Variants in IL17RD observed in about 807,000 individuals in gnomAD.
IL17RD encodes the protein interleukin-17 receptor D.
Under a neutral mutation model 80.5 loss-of-function variants are expected in IL17RD, and 52 were observed. The observed-to-expected ratio is 0.65, with a 90% CI of 0.52 to 0.81. The LOEUF is 0.81. IL17RD is among the 40% of genes least tolerant of loss of function. The pLI is 0.00. For synonymous variants in IL17RD, 416 were observed against 391.8 expected, an observed-to-expected ratio of 1.06 and a Z score of -0.73; for missense variants, 1,024 against 955.1, an observed-to-expected ratio of 1.07 and a Z score of -0.95.
chr3:57,130,334 C>T (rs6775080), intron 1 of IL17RD, among the ~76,000 whole-genome samples: 23,143 of 152,138 alleles, frequency 0.15, 2,271 homozygotes, highest in East Asian at 0.38. Context: ...TTTGCCAGTT[C>T]CCTGGGATGC....
chr3:57,135,410 T>C (rs1707705182), intron 1 of IL17RD, among the ~76,000 whole-genome samples: 1 of 152,096 alleles, frequency 6.6e-6, no homozygotes, highest in South Asian at 2.1e-4. Context: ...TCCCTAAGAG[T>C]GGGTTTTCAA....
At chr3:57,127,410 A>ATTTT (rs1383285776) in intron 1 of IL17RD, among the ~76,000 whole-genome samples, 1 of 86,030 alleles carries the variant, frequency 1.2e-5, no homozygotes, top group African/African-American at 4.9e-5. Context: ...ATATATATAT[A>ATTTT]TATTTTTTTT....
At chr3:57,145,597 T>C (rs1473369404) in intron 1 of IL17RD, among the ~76,000 whole-genome samples, 1 of 152,052 alleles carries the variant, frequency 6.6e-6, no homozygotes, top group Non-Finnish European at 1.5e-5. Flanking sequence ...CCAAGTGAGA[T>C]GAAAAACAGA....
chr3:57,159,835 A>G (rs1385897126), intron 1 of IL17RD, among the ~76,000 whole-genome samples: 1 of 152,180 alleles, frequency 6.6e-6, no homozygotes, highest in Non-Finnish European at 1.5e-5. Flanking sequence ...TGGAGGCTCA[A>G]GTTCTAGAAG....
In IL17RD at chr3:57,123,344, C is replaced by G. The variant is rs148356217; in HGVS notation, c.127-3031G>C. 2.6e-3 allele frequency among the ~76,000 whole-genome samples: 402 copies of G among 152,352 alleles called. 2 individuals carry two copies. The highest frequency in any genetic ancestry group is 8.3e-3 in the African/African-American group (345 of 41,590). ...TCACTGGCTCCCTGTCCCTCCAGAT[C>G]ATTCCTGATGTGACACCTGCCTACC... On this transcript the variant is annotated intron_variant, in intron 1 of 12. Coordinates refer to ENST00000296318, the MANE Select transcript of IL17RD (RefSeq NM_017563.5).
At chr3:57,139,420 T>G (rs1486552672) in intron 1 of IL17RD, among the ~76,000 whole-genome samples, 3 of 152,210 alleles carry the variant, frequency 2.0e-5, no homozygotes, top group Non-Finnish European at 4.4e-5. Context: ...ATTTTGAATT[T>G]TTGTGTAATT....
intron 1 of IL17RD, among the ~76,000 whole-genome samples, chr3:57,127,395 A>T (rs56264943): frequency 0.041 from 3,572 of 86,572 alleles, 481 homozygotes; most frequent in African/African-American, 0.13. Context: ...TAAATAAATA[A>T]ATATATATAT....
chr3:57,167,197 A>T (rs1251987443), upstream of IL17RD, among the ~76,000 whole-genome samples: 1 of 151,888 alleles, frequency 6.6e-6, no homozygotes, highest in Non-Finnish European at 1.5e-5. Flanking sequence ...TGCTGGGCAG[A>T]ATTTTTTTTT....
intron 1 of IL17RD, among the ~76,000 whole-genome samples, chr3:57,153,431 G>A (rs2060243263): frequency 6.6e-6 from 1 of 152,162 alleles, no homozygotes; most frequent in Non-Finnish European, 1.5e-5. Context: ...TACACAAGTG[G>A]CCTTGACTCT....
intron 1 of IL17RD, among the ~76,000 whole-genome samples, chr3:57,149,832 C>T (rs1273182401): frequency 6.6e-6 from 1 of 152,204 alleles, no homozygotes; most frequent in African/African-American, 2.4e-5. Flanking sequence ...CCAGCTGTCA[C>T]CAGGCACCAC....
intron 1 of IL17RD, among the ~76,000 whole-genome samples, chr3:57,142,775 C>A (rs1050618631): frequency 6.6e-6 from 1 of 152,034 alleles, no homozygotes; most frequent in Non-Finnish European, 1.5e-5. Flanking sequence ...AAACCACCAC[C>A]CTGGGGATAA....
intron 1 of IL17RD, among the ~76,000 whole-genome samples, chr3:57,156,929 C>T (rs1211377895): frequency 6.6e-6 from 1 of 152,282 alleles, no homozygotes. Context: ...TCCCACGAAC[C>T]ATTGAAATTC....
intron 1 of IL17RD, among the ~76,000 whole-genome samples, chr3:57,153,938 T>C (rs547325457): frequency 6.6e-6 from 1 of 152,120 alleles, no homozygotes; most frequent in South Asian, 2.1e-4. Context: ...CATCTTCCTG[T>C]ATCGTTTCAG....
intron 1 of IL17RD, among the ~76,000 whole-genome samples, chr3:57,135,888 C>CAT (rs1559480359): frequency 7.4e-4 from 100 of 134,266 alleles, no homozygotes; most frequent in African/African-American, 3.1e-3. Context: ...CAAGAGGACA[C>CAT]GGTGACAAGG....
chr3:57,106,341 TA>T (rs1706965706), intron 5 of IL17RD, among the ~76,000 whole-genome samples, 187 bp from the exon 6 acceptor site: 1 of 152,208 alleles, frequency 6.6e-6, no homozygotes, highest in Non-Finnish European at 1.5e-5. Flanking sequence ...TGGTATAATA[TA>T]AAAATATTAA....
chr3:57,157,734 C>T (rs1196732273), intron 1 of IL17RD, among the ~76,000 whole-genome samples: 1 of 152,168 alleles, frequency 6.6e-6, no homozygotes, highest in Non-Finnish European at 1.5e-5. Flanking sequence ...CCAGAAATCA[C>T]CCGGACAGAA....
In IL17RD at chr3:57,097,718, G is replaced by C. The variant is rs751175296; in HGVS notation, c.1985C>G (p.Ser662Ter). The change falls in exon 12 of 13, where the codon TCA (serine) becomes TGA (stop). Residue 662 changes from serine to a stop codon, truncating the protein, a stop_gained. Coordinates refer to ENST00000296318, the MANE Select transcript of IL17RD (RefSeq NM_017563.5). LOFTEE classifies it high-confidence loss of function. ...GGGCACAGACGAGTCATAGATGCCT[G>C]AGTCCCGCGGCATGTCCGAGGGGCT... is the stretch of plus-strand genomic sequence containing the variant. ...AGSPSDMPRD[S>*]GIYDSSVPSS... is the part of the protein sequence containing the mutation. The C allele has an allele frequency of 6.2e-7, 1 of 1,603,232 alleles. No individual in the cohort carries two copies. Among genetic ancestry groups the C allele is most frequent in the Non-Finnish European group, 8.5e-7 (1 of 1,174,064 alleles).
Position 57,149,872 on chromosome 3 carries a change from C to CA in IL17RD, c.126+15288dup, listed in dbSNP as rs1329745566. On this transcript the variant is annotated intron_variant, in intron 1 of 12. Coordinates refer to ENST00000296318, the MANE Select transcript of IL17RD (RefSeq NM_017563.5). ...CATCTCAACTGACACCTAGATAACT[C>CA]AGTTTCACCTGGGCAGCATATTTAT... is the stretch of plus-strand genomic sequence containing the variant. Among the ~76,000 whole-genome samples, 4 of 152,238 alleles carry CA rather than the reference C, an allele frequency of 2.6e-5. No individual in the cohort carries two copies. The East Asian group carries it at 7.7e-4, about 29-fold the overall frequency.
At chr3:57,101,124 G>A (rs959601540) in intron 11 of IL17RD, 55 bp downstream of exon 11, 3 of 1,430,578 alleles carry the variant, frequency 2.1e-6, no homozygotes, top group African/African-American at 1.4e-5. Flanking sequence ...AGCGGGGAGA[G>A]AGTACAGGGC....
Sources: allele counts gnomAD v4.1 joint callset (sites outside exome capture counted in the v4.1 genomes callset), GRCh38; gene constraint gnomAD v4.1.1; transcripts MANE v1.5; gene names NCBI Gene and HGNC (gene_info 2026-07-23, HGNC 2026-07-21).